Variants in GALNTL6 observed in about 807,000 individuals in gnomAD.
The protein encoded by GALNTL6 is polypeptide N-acetylgalactosaminyltransferase-like 6.
GALNTL6 carries 46 observed loss-of-function variants against 73.7 expected under a neutral mutation model. The observed-to-expected ratio is 0.62, with a 90% CI of 0.49 to 0.80. The LOEUF is 0.80. GALNTL6 is among the 30% of genes least tolerant of loss of function. The pLI is 0.00. For synonymous variants in GALNTL6, 259 were observed against 263.7 expected (o/e 0.98, Z 0.17); for missense variants, 604 against 755.0 (o/e 0.80, Z 2.34).
intron 5 of GALNTL6, among the ~76,000 whole-genome samples, chr4:172,398,031 A>G (rs1230141649): frequency 1.3e-5 from 2 of 152,114 alleles, no homozygotes; most frequent in African/African-American, 4.8e-5. Flanking sequence ...CTGCATGCCA[A>G]CCATCAGGCA....
intron 5 of GALNTL6, among the ~76,000 whole-genome samples, chr4:172,777,912 A>G (rs978169214): frequency 3.3e-5 from 5 of 152,200 alleles, no homozygotes; most frequent in Admixed American, 6.5e-5. Context: ...GGCTTTGCAT[A>G]TGCACACATG....
intron 5 of GALNTL6, among the ~76,000 whole-genome samples, chr4:172,639,542 T>C (rs1739864790): frequency 6.6e-6 from 1 of 152,158 alleles, no homozygotes; most frequent in Admixed American, 6.6e-5. Context: ...TTTCAAACAA[T>C]GTTCATTACC....
At chr4:171,907,173 G>A (rs1021843786) in intron 2 of GALNTL6, among the ~76,000 whole-genome samples, 1 of 151,896 alleles carries the variant, frequency 6.6e-6, no homozygotes, top group Non-Finnish European at 1.5e-5. Flanking sequence ...GGAAATAAAG[G>A]GTATTCAATT....
chr4:171,939,901 A>G (rs1738474319), intron 2 of GALNTL6, among the ~76,000 whole-genome samples: 1 of 152,190 alleles, frequency 6.6e-6, no homozygotes, highest in Admixed American at 6.5e-5. Flanking sequence ...TATACTCACT[A>G]GTAACAAGAT....
chr4:172,370,770 G>T (rs1027320078), intron 5 of GALNTL6, among the ~76,000 whole-genome samples: 11 of 152,064 alleles, frequency 7.2e-5, no homozygotes, highest in African/African-American at 2.7e-4. Flanking sequence ...AAGGTACAAA[G>T]TCCTCCTTTC....
intron 5 of GALNTL6, among the ~76,000 whole-genome samples, chr4:172,433,710 T>TC (rs34844426): frequency 0.14 from 20,779 of 151,936 alleles, 1,650 homozygotes; most frequent in Non-Finnish European, 0.19. Flanking sequence ...ATTTTTTTTT[T>TC]CTCCATAAGC....
intron 5 of GALNTL6, among the ~76,000 whole-genome samples, chr4:172,376,324 A>T (rs1400664192): frequency 1.3e-5 from 2 of 152,158 alleles, no homozygotes; most frequent in African/African-American, 4.8e-5. Context: ...CAGGGTAGAT[A>T]GAATAGATGG....
At chr4:172,083,651 C>T (rs1368051296) in intron 2 of GALNTL6, among the ~76,000 whole-genome samples, 1 of 152,130 alleles carries the variant, frequency 6.6e-6, no homozygotes. Context: ...AACTTTAGTC[C>T]CTTCTCCCCA....
chr4:172,287,755 T>C (rs192574486), intron 3 of GALNTL6, among the ~76,000 whole-genome samples: 2 of 152,280 alleles, frequency 1.3e-5, no homozygotes, highest in East Asian at 1.9e-4. Flanking sequence ...AGATAGTAAC[T>C]GCTTTGAAAT....
chr4:172,843,816 T>C (rs907538944), intron 7 of GALNTL6, among the ~76,000 whole-genome samples: 1 of 152,320 alleles, frequency 6.6e-6, no homozygotes, highest in Admixed American at 6.5e-5. Context: ...CCCAGGACTT[T>C]GGGAGGCCAA....
intron 2 of GALNTL6, among the ~76,000 whole-genome samples, chr4:171,825,847 A>G (rs1308316079): frequency 1.3e-5 from 2 of 152,160 alleles, no homozygotes; most frequent in Admixed American, 6.6e-5. Flanking sequence ...CGTAAAAAAC[A>G]TTCTGTTGAA....
intron 2 of GALNTL6, among the ~76,000 whole-genome samples, chr4:171,960,596 G>T (rs1482579208): frequency 6.7e-6 from 1 of 149,456 alleles, no homozygotes; most frequent in African/African-American, 2.5e-5. Flanking sequence ...GCTTTTCAAT[G>T]AGCAATTTAA....
intron 2 of GALNTL6, among the ~76,000 whole-genome samples, chr4:172,173,324 C>T (rs1734892758): frequency 6.6e-6 from 1 of 152,186 alleles, no homozygotes; most frequent in Non-Finnish European, 1.5e-5. Flanking sequence ...AAACTCTGTC[C>T]TGGCAGGGAA....
chr4:171,987,680 G>T (rs1203140989), intron 2 of GALNTL6, among the ~76,000 whole-genome samples: 6 of 152,184 alleles, frequency 3.9e-5, no homozygotes, highest in African/African-American at 1.4e-4. Context: ...TTTCCACGAT[G>T]GAAAGGAAAT....
chr4:172,519,971 G>A (rs1734724149), intron 5 of GALNTL6, among the ~76,000 whole-genome samples: 2 of 151,766 alleles, frequency 1.3e-5, no homozygotes, highest in Non-Finnish European at 3.0e-5. Context: ...AAAAGGATTA[G>A]CTGATAATTA....
chr4:173,021,960 C>A (rs1439829612), intron 12 of GALNTL6, among the ~76,000 whole-genome samples: 1 of 150,210 alleles, frequency 6.7e-6, no homozygotes, highest in African/African-American at 2.5e-5. Flanking sequence ...TGCCACTACA[C>A]TCCAGCCTGG....
chr4:172,418,991 C>T (rs1240466367), intron 5 of GALNTL6, among the ~76,000 whole-genome samples: 13 of 151,886 alleles, frequency 8.6e-5, no homozygotes, highest in East Asian at 1.9e-4. Flanking sequence ...GTTTTCATAT[C>T]GGAAGTTTTA....
intron 5 of GALNTL6, among the ~76,000 whole-genome samples, chr4:172,514,795 C>T (rs530960707): frequency 6.6e-6 from 1 of 152,282 alleles, no homozygotes; most frequent in Admixed American, 6.5e-5. Context: ...GCTGCTGCTT[C>T]TACTTTTATA....
At chr4:172,005,900 C>G (rs1165176796) in intron 2 of GALNTL6, among the ~76,000 whole-genome samples, 1 of 152,144 alleles carries the variant, frequency 6.6e-6, no homozygotes, top group African/African-American at 2.4e-5. Flanking sequence ...GCCAGCAGCA[C>G]TTTGGTTCAC....
Sources: allele counts gnomAD v4.1 joint callset (sites outside exome capture counted in the v4.1 genomes callset), GRCh38; gene constraint gnomAD v4.1.1; transcripts MANE v1.5; gene names NCBI Gene and HGNC (gene_info 2026-07-23, HGNC 2026-07-21).